The following SYNC variants were observed in gnomAD, a reference collection of about 807,000 sequenced individuals.
SYNC encodes syncoilin.
A neutral mutation model predicts 49.5 loss-of-function variants in SYNC; 38 were observed. The ratio of observed to expected loss-of-function variants is 0.77; its 90% confidence interval spans 0.59 to 1.01. The LOEUF (loss-of-function observed/expected upper bound fraction) is 1.01. SYNC is among the 50% of genes least tolerant of loss of function. SYNC has a pLI of 0.00. For missense variants in SYNC, 579 were observed against 580.6 expected (o/e 1.00, Z 0.03); for synonymous variants, 201 against 230.8 (o/e 0.87, Z 1.17).
chr1:32,681,929 GA>G, intron 4 of SYNC, 69 bp from the exon 5 acceptor site: 1 of 1,396,392 alleles, frequency 7.2e-7, no homozygotes, highest in South Asian at 1.2e-5. Flanking sequence ...GCTTTGTTGA[GA>G]AGAGATTGTT....
chr1:32,689,589 A>G (rs936849793), intron 2 of SYNC, among the ~76,000 whole-genome samples: 6 of 151,992 alleles, frequency 3.9e-5, no homozygotes, highest in African/African-American at 7.2e-5. Flanking sequence ...GATGAAGGTG[A>G]TGATAGAGGC....
intron 2 of SYNC, among the ~76,000 whole-genome samples, chr1:32,689,122 T>C (rs1275955272): frequency 3.4e-5 from 5 of 147,338 alleles, no homozygotes; most frequent in African/African-American, 1.3e-4. Flanking sequence ...TATTTTTTAG[T>C]AGAGATGAGG....
intron 2 of SYNC, among the ~76,000 whole-genome samples, chr1:32,693,666 C>T (rs1650271836): frequency 6.6e-6 from 1 of 152,264 alleles, no homozygotes; most frequent in East Asian, 1.9e-4. Flanking sequence ...TCCCTACCTT[C>T]TGAAAGTTCA....
intron 2 of SYNC, among the ~76,000 whole-genome samples, chr1:32,694,053 G>A (rs960682442): frequency 3.3e-5 from 5 of 151,366 alleles, no homozygotes; most frequent in Admixed American, 1.3e-4. Flanking sequence ...CCTGGGCCAC[G>A]TGGTGAAACC....
chr1:32,688,045 G>C (rs149560083), intron 2 of SYNC, among the ~76,000 whole-genome samples: 273 of 151,902 alleles, frequency 1.8e-3, no homozygotes, highest in Admixed American at 5.3e-3. Context: ...ATATTGGTCA[G>C]GTTGGTCTTG....
intron 2 of SYNC, among the ~76,000 whole-genome samples, chr1:32,690,662 AAAGT>A (rs1650114503): frequency 6.6e-6 from 1 of 150,428 alleles, no homozygotes; most frequent in Non-Finnish European, 1.5e-5. Context: ...AAAAAAAAAA[AAAGT>A]AGAGAGGCAG....
intron 2 of SYNC, 200 bp from the exon 3 acceptor site, chr1:32,684,582 G>T (rs1357675488): frequency 2.9e-6 from 2 of 694,278 alleles, no homozygotes; most frequent in East Asian, 3.1e-5. Context: ...TGAAAATGAT[G>T]ACGAAAAAGG....
intron 2 of SYNC, among the ~76,000 whole-genome samples, chr1:32,687,864 T>TTATTATTATTATTATTA (rs1557871719): frequency 0.014 from 54 of 3,754 alleles, no homozygotes; most frequent in Admixed American, 0.02. Context: ...TATTATTATT[T>TTATTATTATTATTATTA]TTTGAGATGG....
Position 32,702,740 on chromosome 1 carries a change from G to T in SYNC, c.-80C>A. The T allele has an allele frequency of 1.9e-6, 2 of 1,052,474 alleles. No individual in the cohort carries two copies. The highest frequency in any genetic ancestry group is 2.3e-6 in the Non-Finnish European group (2 of 867,152). 65.2% of individuals were successfully genotyped at this position (1,052,474 alleles called of 1,614,324 possible). On this transcript the variant is annotated 5_prime_UTR_variant, in exon 1 of 5. Coordinates refer to ENST00000409190, the MANE Select transcript of SYNC (RefSeq NM_030786.3). This position sits in a 1 kb window ranked among gnomAD's most constrained non-coding sequence, Gnocchi z 6.2. ...CCTCGCTCCGGCGCCCGCGCCCGCC[G>T]CACTGCCAGCTGCAACCGACACCGG...
chr1:32,699,062 G>A (rs1257777442), intron 1 of SYNC, among the ~76,000 whole-genome samples: 1 of 150,784 alleles, frequency 6.6e-6, no homozygotes, highest in Non-Finnish European at 1.5e-5. Context: ...TTACAGGCAT[G>A]AGCCACCACA....
In SYNC at chr1:32,702,325, T is replaced by C. The variant is rs2148566617; in HGVS notation, c.53+283A>G. ...GTGTCTTTGGCTGCTATGGGCCAAATGGCACTTGAGCGGTGGATGCCCACT... is the reference window on the plus strand; with the variant it reads ...GTGTCTTTGGCTGCTATGGGCCAAACGGCACTTGAGCGGTGGATGCCCACT... On this transcript the variant is annotated intron_variant, in intron 1 of 4. Coordinates refer to ENST00000409190, the MANE Select transcript of SYNC (RefSeq NM_030786.3). The surrounding 1 kb of genome is among the most constrained non-coding windows in gnomAD (Gnocchi z 6.2). Among the ~76,000 whole-genome samples, 1 of 152,312 alleles carries C rather than the reference T, an allele frequency of 6.6e-6. No individual in the cohort carries two copies. The highest frequency in any genetic ancestry group is 6.5e-5 in the Admixed American group (1 of 15,312).
Position 32,695,881 on chromosome 1 carries a change from C to T in SYNC, c.217G>A (p.Val73Met). Residue 73 changes from valine to methionine, a missense_variant, in exon 2 of 5, where the codon GTG (valine) becomes ATG (methionine). Val to Met is a conservative substitution (Grantham distance 21, BLOSUM62 1). Transcript: ENST00000409190. ...TCCTCTGCCTTCTCAGTCTCTTGCACATAGAGTGTCTCATCAAGGTCACCT... is the reference window on the plus strand; with the variant it reads ...TCCTCTGCCTTCTCAGTCTCTTGCATATAGAGTGTCTCATCAAGGTCACCT... ...DTGDLDETLY[V>M]QETEKAEEAL... 6.4e-7 allele frequency: 1 copy of T among 1,552,156 alleles called. No homozygotes were observed.
At chr1:32,698,051 C>T (rs1359473811) in intron 1 of SYNC, among the ~76,000 whole-genome samples, 7 of 151,548 alleles carry the variant, frequency 4.6e-5, no homozygotes, top group Non-Finnish European at 1.0e-4. Flanking sequence ...GGTGAAACCC[C>T]GTCTCTACTA....
chr1:32,693,760 CACTT>C (rs1468580274), intron 2 of SYNC, among the ~76,000 whole-genome samples: 23 of 152,200 alleles, frequency 1.5e-4, no homozygotes, highest in African/African-American at 5.1e-4. Flanking sequence ...AACTGGCTCA[CACTT>C]AATCAGAAAT....
At chr1:32,700,633 G>T (rs764973947) in intron 1 of SYNC, among the ~76,000 whole-genome samples, 21 of 152,176 alleles carry the variant, frequency 1.4e-4, no homozygotes, top group Non-Finnish European at 2.5e-4. Flanking sequence ...GGAGACAGAG[G>T]TTGCAGTGAA....
At chr1:32,691,426 G>A (rs1314735782) in intron 2 of SYNC, among the ~76,000 whole-genome samples, 1 of 149,602 alleles carries the variant, frequency 6.7e-6, no homozygotes, top group Non-Finnish European at 1.5e-5. Context: ...GGTGTTAGGC[G>A]CCTGTAATCC....
intron 1 of SYNC, among the ~76,000 whole-genome samples, chr1:32,696,694 C>T (rs1421190891): frequency 3.3e-5 from 5 of 152,108 alleles, no homozygotes; most frequent in African/African-American, 9.7e-5. Flanking sequence ...ATGATCTGCC[C>T]GCCTCGGCCT....
intron 2 of SYNC, among the ~76,000 whole-genome samples, chr1:32,692,569 A>C (rs991688890): frequency 9.2e-5 from 14 of 152,188 alleles, no homozygotes; most frequent in African/African-American, 3.4e-4. Context: ...CAACATGGTG[A>C]AACCCCATCT....
Position 32,690,729 on chromosome 1 carries a change from TC to T in SYNC, c.1233+4135del, listed in dbSNP as rs1392577493. 7.3e-4 allele frequency among the ~76,000 whole-genome samples: 108 copies of T among 148,782 alleles called. 1 individual carries two copies. Among genetic ancestry groups the T allele is most frequent in the Non-Finnish European group, 1.9e-4 (13 of 67,458 alleles). On this transcript the variant is annotated intron_variant, in intron 2 of 4. Transcript: ENST00000409190. ...ACTTTGGGAGGCCGAGCCAGGCAGA[TC>T]ACCTGAGGTCAGGAGTTCAAGACCA...
Sources: gnomAD v4.1 joint callset for allele counts (sites outside exome capture counted in the v4.1 genomes callset) on GRCh38, gnomAD v4.1.1 for gene constraint, Gnocchi (gnomAD v3.1) non-coding constraint, MANE v1.5 for transcripts, NCBI Gene and HGNC (gene_info 2026-07-23, HGNC 2026-07-21) for gene names.